ZHX2: variants seen among roughly 807,000 people sequenced by gnomAD.
ZHX2 encodes the protein zinc fingers and homeoboxes 2.
ZHX2 carries 6 observed loss-of-function variants against 21.9 expected under a neutral mutation model. The ratio of observed to expected loss-of-function variants is 0.27; its 90% CI spans 0.15 to 0.54. The LOEUF (loss-of-function observed/expected upper bound fraction) is 0.54, where lower values mean the gene tolerates loss of function less well. Ranked by LOEUF, ZHX2 falls within the 20% of genes least tolerant of loss-of-function variation. The pLI is 0.95. For synonymous variants in ZHX2, 434 were observed against 437.1 expected (o/e 0.99, Z 0.09); for missense variants, 908 against 1,090.7 (o/e 0.83, Z 2.36).
intron 3 of ZHX2, among the ~76,000 whole-genome samples, chr8:122,957,314 AC>A (rs1334914492): frequency 2.7e-5 from 4 of 149,506 alleles, no homozygotes; most frequent in African/African-American, 5.0e-5. Flanking sequence ...AAAAAAAAAA[AC>A]ATGCAGGAAC....
chr8:122,896,215 T>A (rs1451711356), intron 2 of ZHX2, among the ~76,000 whole-genome samples: 1 of 151,070 alleles, frequency 6.6e-6, no homozygotes, highest in Non-Finnish European at 1.5e-5. Flanking sequence ...TATAGTTCCT[T>A]ACTAGGACTC....
At chr8:122,791,118 G>A (rs906692436) in intron 1 of ZHX2, among the ~76,000 whole-genome samples, 3 of 152,220 alleles carry the variant, frequency 2.0e-5, no homozygotes, top group African/African-American at 4.8e-5. Flanking sequence ...CTGTGGCTGA[G>A]CCACAATCCA....
At chr8:122,874,401 C>T (rs113127024) in intron 2 of ZHX2, among the ~76,000 whole-genome samples, 7,016 of 152,270 alleles carry the variant, frequency 0.046, 180 homozygotes, top group South Asian at 0.062. Context: ...TGCACAATCT[C>T]AGCTTACTGC....
At chr8:122,929,238 C>T (rs1343125353) in intron 2 of ZHX2, among the ~76,000 whole-genome samples, 1 of 152,196 alleles carries the variant, frequency 6.6e-6, no homozygotes, top group African/African-American at 2.4e-5. Flanking sequence ...TCAGCCAGAG[C>T]TCCTTGATCA....
chr8:122,956,039 T>A (rs796597631), intron 3 of ZHX2, among the ~76,000 whole-genome samples: 16 of 152,164 alleles, frequency 1.1e-4, no homozygotes, highest in African/African-American at 3.9e-4. Context: ...GAGACGGGGT[T>A]TTGCCGTGTT....
rs1429098113 is a variant in ZHX2, at chr8:122,782,140, A to C, written c.-283+194A>C. Among the ~76,000 whole-genome samples, 11 of 148,914 alleles carry C rather than the reference A, an allele frequency of 7.4e-5. No homozygotes were observed. The East Asian group carries it at 2.2e-3, about 30-fold the overall frequency. Reference sequence around the variant, plus strand: ...GGGGTACGGAAGGGGGGGGGTGTGCAGGCTCTTTTTGCGGGTGGGAGGAAA... The same window carrying C: ...GGGGTACGGAAGGGGGGGGGTGTGCCGGCTCTTTTTGCGGGTGGGAGGAAA... On this transcript the variant is annotated intron_variant, in intron 1 of 3. Transcript: ENST00000314393. The surrounding 1 kb of genome is among the most constrained non-coding windows in gnomAD (Gnocchi z 5.3).
intron 1 of ZHX2, among the ~76,000 whole-genome samples, chr8:122,836,699 G>A (rs568575277): frequency 3.2e-4 from 49 of 152,332 alleles, no homozygotes; most frequent in African/African-American, 1.2e-3. Context: ...TGATCTTCAC[G>A]GGTACGTGTC....
At chr8:122,925,562 A>T (rs1002805273) in intron 2 of ZHX2, among the ~76,000 whole-genome samples, 11 of 152,228 alleles carry the variant, frequency 7.2e-5, no homozygotes, top group African/African-American at 2.7e-4. Context: ...GAGGGAATCC[A>T]GACACACTCT....
intron 3 of ZHX2, among the ~76,000 whole-genome samples, chr8:122,962,278 C>T (rs1341559512): frequency 3.3e-5 from 5 of 152,208 alleles, no homozygotes; most frequent in South Asian, 4.1e-4. Flanking sequence ...TGACCCCCCT[C>T]TCATCCTTCC....
chr8:122,795,061 C>T (rs1338790378), intron 1 of ZHX2, among the ~76,000 whole-genome samples: 20 of 152,234 alleles, frequency 1.3e-4, no homozygotes. Flanking sequence ...CCAGCACCAG[C>T]ACAGGGCTGG....
chr8:122,915,333 T>A lies in ZHX2; in HGVS notation c.-219-35959T>A, dbSNP rs186191976. Among the ~76,000 whole-genome samples, 26 of 152,264 alleles carry A rather than the reference T, an allele frequency of 1.7e-4. No individual in the cohort carries two copies. In the East Asian group the frequency reaches 4.0e-3, roughly 24 times the overall value. On this transcript the variant is annotated intron_variant, in intron 2 of 3. Transcript: ENST00000314393. ...CCCTGTCATGCTATAAGAGTGGATGTCCCTTTATCCCATCCTGCAGCTGCT... is the reference window on the plus strand; with the variant it reads ...CCCTGTCATGCTATAAGAGTGGATGACCCTTTATCCCATCCTGCAGCTGCT...
intron 2 of ZHX2, among the ~76,000 whole-genome samples, chr8:122,899,332 G>T (rs1201978367): frequency 6.6e-6 from 1 of 151,920 alleles, no homozygotes; most frequent in Non-Finnish European, 1.5e-5. Context: ...TATTTTATCT[G>T]CCTTTCTTCC....
intron 2 of ZHX2, among the ~76,000 whole-genome samples, chr8:122,920,151 A>G (rs529094404): frequency 3.3e-5 from 5 of 152,142 alleles, no homozygotes; most frequent in Non-Finnish European, 7.4e-5. Flanking sequence ...GTACATGCCT[A>G]TAATTCCAGC....
chr8:122,898,430 C>T (rs951645349), intron 2 of ZHX2, among the ~76,000 whole-genome samples: 1 of 152,108 alleles, frequency 6.6e-6, no homozygotes, highest in Non-Finnish European at 1.5e-5. Context: ...ATCTGACAAC[C>T]ACTTAATAGG....
intron 1 of ZHX2, among the ~76,000 whole-genome samples, chr8:122,826,809 C>A (rs558975430): frequency 4.0e-5 from 6 of 151,816 alleles, no homozygotes; most frequent in African/African-American, 1.4e-4. Context: ...GAGACTGTTA[C>A]ATGTGCAGGG....
At chr8:122,909,909 G>C (rs1252565363) in intron 2 of ZHX2, among the ~76,000 whole-genome samples, 2 of 152,216 alleles carry the variant, frequency 1.3e-5, no homozygotes, top group East Asian at 3.9e-4. Flanking sequence ...GCTGCCCCAG[G>C]AGCCCAGGTT....
At chr8:122,829,060 G>A (rs1818318830) in intron 1 of ZHX2, among the ~76,000 whole-genome samples, 1 of 152,202 alleles carries the variant, frequency 6.6e-6, no homozygotes, top group Admixed American at 6.5e-5. Flanking sequence ...CTCTGTAATA[G>A]TAAGGGTAGC....
chr8:122,871,263 T>G (rs1318675261), intron 2 of ZHX2, among the ~76,000 whole-genome samples: 2 of 151,974 alleles, frequency 1.3e-5, no homozygotes, highest in Admixed American at 1.3e-4. Context: ...CTATGTCTGG[T>G]ACTTGGAACC....
At chr8:122,901,988 C>T (rs552131991) in intron 2 of ZHX2, among the ~76,000 whole-genome samples, 1 of 151,634 alleles carries the variant, frequency 6.6e-6, no homozygotes, top group Non-Finnish European at 1.5e-5. Context: ...TGTATTCTGC[C>T]TTTTTTTCAG....
Sources: allele counts gnomAD v4.1 joint callset (sites outside exome capture counted in the v4.1 genomes callset), GRCh38; gene constraint gnomAD v4.1.1; non-coding constraint Gnocchi (gnomAD v3.1); transcripts MANE v1.5; gene names NCBI Gene and HGNC (gene_info 2026-07-23, HGNC 2026-07-21).